HTR3B: variants seen among roughly 807,000 people sequenced by gnomAD.
The protein encoded by HTR3B is 5-hydroxytryptamine receptor 3B.
A neutral mutation model predicts 42.8 loss-of-function variants in HTR3B; 44 were observed. The ratio of observed to expected loss-of-function variants is 1.03; its 90% CI spans 0.81 to 1.32. The LOEUF is 1.32. Among genes scored for constraint, HTR3B ranks in the 40% most tolerant of loss-of-function variants. The pLI is 0.00. For missense variants in HTR3B, 527 were observed against 536.5 expected (o/e 0.98, Z 0.17); for synonymous variants, 203 against 209.0 (o/e 0.97, Z 0.25).
chr11:113,930,562 C>T (rs1227073090), intron 2 of HTR3B, among the ~76,000 whole-genome samples: 2 of 150,420 alleles, frequency 1.3e-5, no homozygotes, highest in Non-Finnish European at 3.0e-5. Context: ...AAACATGGCC[C>T]ACTGCAATCT....
chr11:113,918,623 G>A (rs1283448008), intron 2 of HTR3B, among the ~76,000 whole-genome samples: 2 of 138,368 alleles, frequency 1.4e-5, no homozygotes, highest in East Asian at 4.0e-4. Flanking sequence ...TCCAGGTTAG[G>A]GCTTTTTTTT....
chr11:113,914,217 C>T (rs1949830007), intron 2 of HTR3B, among the ~76,000 whole-genome samples: 1 of 151,728 alleles, frequency 6.6e-6, no homozygotes, highest in Non-Finnish European at 1.5e-5. Context: ...CCTGTAATCC[C>T]AGCACTTCGG....
chr11:113,940,787 T>G (rs978396854), intron 6 of HTR3B, among the ~76,000 whole-genome samples: 2 of 152,198 alleles, frequency 1.3e-5, no homozygotes, highest in African/African-American at 4.8e-5. Context: ...TCCCGGCACC[T>G]CCTGCTCCAT....
chr11:113,914,699 G>T (rs1949834493), intron 2 of HTR3B, among the ~76,000 whole-genome samples: 4 of 152,026 alleles, frequency 2.6e-5, no homozygotes, highest in Admixed American at 1.3e-4. Flanking sequence ...CACGTTTGTT[G>T]ATGACAGGCA....
At chr11:113,938,003 G>T (rs1950104666) in intron 6 of HTR3B, among the ~76,000 whole-genome samples, 1 of 152,124 alleles carries the variant, frequency 6.6e-6, no homozygotes, top group Non-Finnish European at 1.5e-5. Flanking sequence ...AGGAACCTGT[G>T]GTGTTCCTTG....
At chr11:113,910,637 C>T (rs1023909690) in intron 2 of HTR3B, among the ~76,000 whole-genome samples, 5 of 151,590 alleles carry the variant, frequency 3.3e-5, no homozygotes, top group African/African-American at 7.3e-5. Flanking sequence ...GACGGGGTTT[C>T]ACCTGTTGGA....
At chr11:113,930,652 G>A (rs1047189030) in intron 2 of HTR3B, among the ~76,000 whole-genome samples, 4 of 151,822 alleles carry the variant, frequency 2.6e-5, no homozygotes, top group African/African-American at 9.7e-5. Context: ...ACCACACCTG[G>A]CTAATTTTTA....
intron 6 of HTR3B, among the ~76,000 whole-genome samples, chr11:113,936,492 C>T (rs955023229): frequency 6.6e-6 from 1 of 151,980 alleles, no homozygotes; most frequent in African/African-American, 2.4e-5. Flanking sequence ...TTATTGAATG[C>T]AGCTTATAAA....
intron 7 of HTR3B, among the ~76,000 whole-genome samples, chr11:113,944,276 C>G (rs1950159425): frequency 6.6e-6 from 1 of 152,120 alleles, no homozygotes; most frequent in South Asian, 2.1e-4. Context: ...CCTCAGCCTC[C>G]CAAAGTGTTG....
At chr11:113,941,570 C>T (rs996473058) in intron 6 of HTR3B, among the ~76,000 whole-genome samples, 101 of 152,260 alleles carry the variant, frequency 6.6e-4, no homozygotes, top group Middle Eastern at 6.8e-3. Flanking sequence ...TCCACTGAGA[C>T]GCACTCCTCC....
At position 113,931,842 on chromosome 11, in the gene HTR3B, GC is replaced by G; in HGVS notation, c.348del (p.Asp117IlefsTer21). ...CTCCCTACCTCTAAGTGCCATCTGG[GC>G]CCCCGATATCATCATCAATGAGTTG... ...EISLPLSAIW[A>X]PDIIINEFVD... On this transcript the variant is annotated frameshift_variant, in exon 4 of 9. Coordinates refer to ENST00000260191, the MANE Select transcript of HTR3B (RefSeq NM_006028.5). LOFTEE classifies it high-confidence loss of function. 6.3e-7 allele frequency: 1 copy of G among 1,597,840 alleles called. No homozygotes were observed. The highest frequency in any genetic ancestry group is 8.6e-7 in the Non-Finnish European group (1 of 1,165,190).
chr11:113,902,545 C>A (rs1202179250), upstream of HTR3B, among the ~76,000 whole-genome samples: 1 of 152,218 alleles, frequency 6.6e-6, no homozygotes, highest in East Asian at 1.9e-4. Context: ...GATCTACCCA[C>A]CTAGGTCTCC....
intron 2 of HTR3B, among the ~76,000 whole-genome samples, chr11:113,922,631 C>T (rs1420650935): frequency 1.3e-5 from 2 of 152,144 alleles, no homozygotes; most frequent in Non-Finnish European, 2.9e-5. Context: ...TCTCGGCTCA[C>T]TACAAGCTCC....
At chr11:113,942,898 G>A in intron 6 of HTR3B, 84 bp from the exon 7 acceptor site, 2 of 1,141,534 alleles carry the variant, frequency 1.8e-6, no homozygotes, top group Non-Finnish European at 2.6e-6. Context: ...GGGTCTTCGG[G>A]GAGAATTCCT....
intron 2 of HTR3B, among the ~76,000 whole-genome samples, chr11:113,916,686 G>A (rs1395066310): frequency 6.6e-6 from 1 of 152,112 alleles, no homozygotes; most frequent in Admixed American, 6.6e-5. Context: ...CATACATACA[G>A]TGTATCTCTC....
intron 2 of HTR3B, among the ~76,000 whole-genome samples, chr11:113,918,765 T>G (rs1431954300): frequency 2.0e-5 from 3 of 152,006 alleles, no homozygotes; most frequent in Non-Finnish European, 4.4e-5. Flanking sequence ...TAAGCAATTC[T>G]CCTGCCTCAG....
rs1022727561 is a variant in HTR3B, at chr11:113,946,566, C to G, written c.*429C>G. On this transcript the variant is annotated 3_prime_UTR_variant, in exon 9 of 9. Coordinates refer to ENST00000260191, the MANE Select transcript of HTR3B (RefSeq NM_006028.5). ...ATAAAAGGCTTTCTGCCTTCATTGCCTCTCCATTGAGTCCAGCTTCATACA... is the reference window on the plus strand; with the variant it reads ...ATAAAAGGCTTTCTGCCTTCATTGCGTCTCCATTGAGTCCAGCTTCATACA... 5.1e-5 allele frequency: 8 copies of G among 155,768 alleles called. No homozygotes were observed. Among genetic ancestry groups the G allele is most frequent in the African/African-American group, 1.9e-4 (8 of 41,438 alleles). The allele number at this position is 155,768 out of a possible 1,614,324, so 9.6% of individuals were successfully genotyped here. A position where few individuals can be genotyped will look rare whatever the true frequency, so the allele number is the denominator to read the frequency against.
intron 2 of HTR3B, among the ~76,000 whole-genome samples, chr11:113,925,145 T>G (rs1391532877): frequency 6.6e-6 from 1 of 152,152 alleles, no homozygotes; most frequent in African/African-American, 2.4e-5. Flanking sequence ...TGACCCCCTA[T>G]CCAACCTGAA....
In HTR3B at chr11:113,933,023, TTCTA is replaced by T. The variant is rs1950052857; in HGVS notation, c.630_633del (p.Ser211CysfsTer23). Reference sequence around the variant, plus strand: ...TTTTTGAATGACAGTGAGTGGGAACTTCTATCTGTGTCCTCCACATACAGCATCC... The same window carrying T: ...TTTTTGAATGACAGTGAGTGGGAACTTCTGTGTCCTCCACATACAGCATCC... On this transcript the variant is annotated frameshift_variant, in exon 6 of 9. Coordinates refer to ENST00000260191, the MANE Select transcript of HTR3B (RefSeq NM_006028.5). LOFTEE classifies it high-confidence loss of function. 5.0e-6 allele frequency: 8 copies of T among 1,614,168 alleles called. No individual in the cohort carries two copies. In the African/African-American group the frequency reaches 8.0e-5, roughly 16 times the overall value.
Sources: gnomAD v4.1 joint callset for allele counts (sites outside exome capture counted in the v4.1 genomes callset) on GRCh38, gnomAD v4.1.1 for gene constraint, MANE v1.5 for transcripts, NCBI Gene and HGNC (gene_info 2026-07-23, HGNC 2026-07-21) for gene names.